NXPH1: variants seen among roughly 807,000 people sequenced by gnomAD.
The protein encoded by NXPH1 is neurexophilin 1.
In NXPH1, 5 loss-of-function variants were observed where a neutral mutation model predicts 23.7. The ratio of observed to expected loss-of-function variants is 0.21; its 90% CI spans 0.11 to 0.44. NXPH1 has a LOEUF of 0.44. NXPH1 is among the 20% of genes least tolerant of loss of function. The pLI, the probability that NXPH1 is intolerant of heterozygous loss-of-function variation, is 0.99. For missense variants in NXPH1, 324 were observed against 321.6 expected (o/e 1.01, Z -0.06); for synonymous variants, 144 against 122.2 (o/e 1.18, Z -1.18).
chr7:8,555,658 A>G (rs116739719), intron 2 of NXPH1, among the ~76,000 whole-genome samples: 120 of 151,764 alleles, frequency 7.9e-4, no homozygotes, highest in African/African-American at 2.8e-3. Context: ...CCCCAACCTC[A>G]TTTCTTTGTT....
intron 2 of NXPH1, among the ~76,000 whole-genome samples, chr7:8,663,356 A>G (rs1453692321): frequency 6.6e-6 from 1 of 152,032 alleles, no homozygotes; most frequent in Non-Finnish European, 1.5e-5. Flanking sequence ...GGGCCCCATC[A>G]TCCTTTCTGG....
intron 2 of NXPH1, among the ~76,000 whole-genome samples, chr7:8,667,778 CTT>C (rs968186966): frequency 7.9e-5 from 12 of 152,048 alleles, no homozygotes; most frequent in African/African-American, 2.9e-4. Flanking sequence ...CTTTCCACCT[CTT>C]TGTCTCTCTC....
chr7:8,726,038 G>A (rs1005508223), intron 2 of NXPH1, among the ~76,000 whole-genome samples: 8 of 152,148 alleles, frequency 5.3e-5, no homozygotes, highest in African/African-American at 1.9e-4. Flanking sequence ...TAATCAGAGT[G>A]TGTTAATTTA....
At position 8,442,248 on chromosome 7, in the gene NXPH1, T is replaced by A. The variant is rs1034280045; in HGVS notation, c.54+6481T>A. Among the ~76,000 whole-genome samples the A allele has an allele frequency of 6.6e-6, 1 of 152,236 alleles. No individual in the cohort carries two copies. Reference sequence around the variant, plus strand: ...GCGCATCGCCTCATCTGCATGAGAATGGAGAACCGGGAGGCTTTTCTTGTA... The same window carrying A: ...GCGCATCGCCTCATCTGCATGAGAAAGGAGAACCGGGAGGCTTTTCTTGTA... On this transcript the variant is annotated intron_variant, in intron 2 of 2. Coordinates refer to ENST00000405863, the MANE Select transcript of NXPH1 (RefSeq NM_152745.3). The surrounding 1 kb of genome is among the most constrained non-coding windows in gnomAD (Gnocchi z 4.6).
At chr7:8,723,537 C>T (rs1030525143) in intron 2 of NXPH1, among the ~76,000 whole-genome samples, 6 of 152,148 alleles carry the variant, frequency 3.9e-5, no homozygotes, top group Non-Finnish European at 5.9e-5. Context: ...TTTGGTATAA[C>T]ATTTTTGGTT....
intron 2 of NXPH1, among the ~76,000 whole-genome samples, chr7:8,468,544 C>G (rs1489778304): frequency 6.6e-6 from 1 of 151,778 alleles, no homozygotes; most frequent in African/African-American, 2.4e-5. Flanking sequence ...AGATAATATC[C>G]CATGTCCTGC....
At chr7:8,661,497 G>GT (rs1206290666) in intron 2 of NXPH1, among the ~76,000 whole-genome samples, 1 of 152,068 alleles carries the variant, frequency 6.6e-6, no homozygotes, top group Non-Finnish European at 1.5e-5. Flanking sequence ...CTGAAGTCAT[G>GT]TTTTTTGTTT....
intron 2 of NXPH1, among the ~76,000 whole-genome samples, chr7:8,604,276 A>G (rs961510613): frequency 6.6e-6 from 1 of 152,160 alleles, no homozygotes; most frequent in Non-Finnish European, 1.5e-5. Context: ...ACCCTTTTCA[A>G]TATAGCCTGA....
At chr7:8,569,482 C>G (rs1818608083) in intron 2 of NXPH1, among the ~76,000 whole-genome samples, 1 of 151,868 alleles carries the variant, frequency 6.6e-6, no homozygotes, top group Non-Finnish European at 1.5e-5. Context: ...GTTAGCAATA[C>G]ATACTGATAA....
At chr7:8,723,649 G>A (rs1780003925) in intron 2 of NXPH1, among the ~76,000 whole-genome samples, 1 of 152,074 alleles carries the variant, frequency 6.6e-6, no homozygotes, top group South Asian at 2.1e-4. Context: ...CCTCCACAAA[G>A]GATTACAATA....
chr7:8,619,784 C>T (rs1819825707), intron 2 of NXPH1, among the ~76,000 whole-genome samples: 2 of 152,084 alleles, frequency 1.3e-5, no homozygotes, highest in Admixed American at 1.3e-4. Flanking sequence ...TATACTAATA[C>T]CATTATTTCA....
intron 2 of NXPH1, among the ~76,000 whole-genome samples, chr7:8,678,369 C>A (rs773598284): frequency 6.6e-5 from 10 of 152,206 alleles, no homozygotes; most frequent in Non-Finnish European, 1.3e-4. Flanking sequence ...CTTTACTCCT[C>A]TTAGAACTAC....
intron 2 of NXPH1, among the ~76,000 whole-genome samples, chr7:8,681,090 T>G (rs536839974): frequency 1.3e-5 from 2 of 152,336 alleles, no homozygotes; most frequent in African/African-American, 4.8e-5. Flanking sequence ...TCTCCTAGAC[T>G]TTGCTGTCCC....
In NXPH1 at chr7:8,539,175, G is replaced by A. The variant is rs566446975; in HGVS notation, c.54+103408G>A. On this transcript the variant is annotated intron_variant, in intron 2 of 2. Coordinates refer to ENST00000405863, the MANE Select transcript of NXPH1 (RefSeq NM_152745.3). ...GTAGGTGGAAGGGGAGGAGTTGATG[G>A]TGGTGCTGAAGAAAAGCACCACTAT... Among the ~76,000 whole-genome samples, 449 of 151,920 alleles carry A rather than the reference G, an allele frequency of 3.0e-3. 1 individual carries two copies. Among genetic ancestry groups the A allele is most frequent in the Middle Eastern group, 0.01 (3 of 294 alleles).
chr7:8,442,160 G>C lies in NXPH1; in HGVS notation c.54+6393G>C, dbSNP rs1816312830. Among the ~76,000 whole-genome samples the C allele has an allele frequency of 6.6e-6, 1 of 152,098 alleles. No individual in the cohort carries two copies. The highest frequency in any genetic ancestry group is 2.4e-5 in the African/African-American group (1 of 41,424). On this transcript the variant is annotated intron_variant, in intron 2 of 2. Coordinates refer to ENST00000405863, the MANE Select transcript of NXPH1 (RefSeq NM_152745.3). The surrounding 1 kb of genome is among the most constrained non-coding windows in gnomAD (Gnocchi z 4.6). ...GCTCCTTCTTCCTATAAATTAATGA[G>C]GGTATTTTACTCGTTCAAGCCGGAA... is the stretch of plus-strand genomic sequence containing the variant.
intron 2 of NXPH1, among the ~76,000 whole-genome samples, chr7:8,679,149 G>A (rs759811553): frequency 6.6e-6 from 1 of 151,366 alleles, no homozygotes; most frequent in Admixed American, 6.6e-5. Flanking sequence ...GGGTTTCACC[G>A]TGTTAGCCAG....
Position 8,655,441 on chromosome 7 carries a change from T to A in NXPH1, c.55-95567T>A, listed in dbSNP as rs1562444322. Among the ~76,000 whole-genome samples the A allele has an allele frequency of 3.6e-3, 256 of 71,072 alleles. 3 individuals are homozygous for A. The highest frequency in any genetic ancestry group is 0.011 in the African/African-American group (225 of 21,286). The allele number at this position is 71,072 out of a possible 152,430, so 46.6% of individuals were successfully genotyped here. A position where few individuals can be genotyped will look rare whatever the true frequency, so the allele number is the denominator to read the frequency against. ...CTCTCTCTCTCTCTCTCTCTCTCTCTCTCTCTCTATACACACACACACACA... is the reference window on the plus strand; with the variant it reads ...CTCTCTCTCTCTCTCTCTCTCTCTCACTCTCTCTATACACACACACACACA... On this transcript the variant is annotated intron_variant, in intron 2 of 2. Transcript: ENST00000405863.
intron 2 of NXPH1, among the ~76,000 whole-genome samples, chr7:8,560,635 G>C (rs1818427878): frequency 6.6e-6 from 1 of 151,676 alleles, no homozygotes; most frequent in East Asian, 2.0e-4. Flanking sequence ...AGGAGCCTGG[G>C]ATGAGACGTC....
chr7:8,655,978 C>G lies in NXPH1; in HGVS notation c.55-95030C>G, dbSNP rs541528350. On this transcript the variant is annotated intron_variant, in intron 2 of 2. Coordinates refer to ENST00000405863, the MANE Select transcript of NXPH1 (RefSeq NM_152745.3). Reference sequence around the variant, plus strand: ...TTTTGTTGTGCATGTGTCTTTCTCCCTAGCTACACTAAACTATATGGGGCT... The same window carrying G: ...TTTTGTTGTGCATGTGTCTTTCTCCGTAGCTACACTAAACTATATGGGGCT... Among the ~76,000 whole-genome samples, 33 of 152,272 alleles carry G rather than the reference C, an allele frequency of 2.2e-4. No homozygotes were observed. In the South Asian group the frequency reaches 6.2e-3, roughly 29 times the overall value.
Sources: allele counts gnomAD v4.1 joint callset (sites outside exome capture counted in the v4.1 genomes callset), GRCh38; gene constraint gnomAD v4.1.1; non-coding constraint Gnocchi (gnomAD v3.1); transcripts MANE v1.5; gene names NCBI Gene and HGNC (gene_info 2026-07-23, HGNC 2026-07-21).